Variants in LHPP observed in about 807,000 individuals in gnomAD.
LHPP encodes the protein phospholysine phosphohistidine inorganic pyrophosphate phosphatase.
A neutral mutation model predicts 30.3 loss-of-function variants in LHPP; 24 were observed. The ratio of observed to expected loss-of-function variants is 0.79; its 90% CI spans 0.57 to 1.11. The LOEUF (loss-of-function observed/expected upper bound fraction) is 1.11, where lower values mean the gene tolerates loss of function less well. LHPP is among the 50% of genes most tolerant of loss of function. The pLI is 0.00. For missense variants in LHPP, 356 were observed against 367.2 expected (o/e 0.97, Z 0.25); for synonymous variants, 150 against 157.1 (o/e 0.95, Z 0.34).
At chr10:124,603,209 TGGGA>T (rs1949048745) in intron 6 of LHPP, among the ~76,000 whole-genome samples, 1 of 152,138 alleles carries the variant, frequency 6.6e-6, no homozygotes, top group Non-Finnish European at 1.5e-5. Flanking sequence ...TCACCCCACG[TGGGA>T]GGAAGGCGGG....
intron 6 of LHPP, among the ~76,000 whole-genome samples, chr10:124,533,736 A>G (rs114502469): frequency 1.0e-3 from 155 of 152,330 alleles, no homozygotes; most frequent in African/African-American, 3.6e-3. Context: ...CTTTGCAGGC[A>G]CTTGCCGTGT....
intron 6 of LHPP, among the ~76,000 whole-genome samples, chr10:124,520,278 C>T (rs1954577883): frequency 6.6e-6 from 1 of 151,530 alleles, no homozygotes; most frequent in Non-Finnish European, 1.5e-5. Flanking sequence ...TTTCCTGATC[C>T]TCTCCCTCCT....
chr10:124,490,368 G>A, intron 3 of LHPP: 1 of 314,420 alleles, frequency 3.2e-6, no homozygotes, highest in Non-Finnish European at 6.7e-6. Context: ...CCCCATGTGG[G>A]TGAGGTACCA....
At chr10:124,491,241 A>T (rs1340347445) in intron 3 of LHPP, among the ~76,000 whole-genome samples, 1 of 152,220 alleles carries the variant, frequency 6.6e-6, no homozygotes, top group Non-Finnish European at 1.5e-5. Context: ...GCATCTCATG[A>T]AGTGTGGGAA....
intron 6 of LHPP, among the ~76,000 whole-genome samples, chr10:124,522,936 C>T (rs543537753): frequency 6.6e-6 from 1 of 152,198 alleles, no homozygotes; most frequent in Non-Finnish European, 1.5e-5. Context: ...CAGACCCTTC[C>T]TGCCTCTTAT....
At chr10:124,462,563 C>G (rs1290028224) in intron 1 of LHPP, among the ~76,000 whole-genome samples, 5 of 152,216 alleles carry the variant, frequency 3.3e-5, no homozygotes, top group African/African-American at 1.2e-4. Flanking sequence ...CCACTGTACT[C>G]TAGCCTGGAC....
At chr10:124,512,608 C>T (rs1954330940) in intron 5 of LHPP, among the ~76,000 whole-genome samples, 1 of 133,866 alleles carries the variant, frequency 7.5e-6, no homozygotes, top group Non-Finnish European at 1.6e-5. Flanking sequence ...CAGAGCGGGA[C>T]TCCGTCTCAA....
At chr10:124,467,604 A>G (rs1389608124) in intron 1 of LHPP, among the ~76,000 whole-genome samples, 1 of 143,122 alleles carries the variant, frequency 7.0e-6, no homozygotes, top group Admixed American at 7.1e-5. Flanking sequence ...TGCAGCCTTG[A>G]CCTCCTCCTA....
intron 5 of LHPP, among the ~76,000 whole-genome samples, chr10:124,513,250 G>A (rs868661854): frequency 2.0e-5 from 3 of 151,466 alleles, no homozygotes; most frequent in African/African-American, 4.9e-5. Flanking sequence ...TAATAGAGAC[G>A]GGTTTCACCA....
At chr10:124,544,208 C>T (rs912862683) in intron 6 of LHPP, among the ~76,000 whole-genome samples, 18 of 144,588 alleles carry the variant, frequency 1.2e-4, no homozygotes, top group South Asian at 2.3e-4. Flanking sequence ...CATCACCCAC[C>T]GGGGAGGCCT....
At chr10:124,498,524 C>CTATTTTGGGA in intron 5 of LHPP, 1 of 1,426,300 alleles carries the variant, frequency 7.0e-7, no homozygotes, top group South Asian at 1.5e-5. Flanking sequence ...TATATTTTGA[C>CTATTTTGGGA]TATTTTGGGA....
intron 6 of LHPP, among the ~76,000 whole-genome samples, chr10:124,594,065 G>A (rs1273170672): frequency 6.6e-6 from 1 of 152,118 alleles, no homozygotes; most frequent in Non-Finnish European, 1.5e-5. Context: ...GCCGGACGTG[G>A]GGGGCTCCCA....
chr10:124,603,019 T>C (rs966568021), intron 6 of LHPP, among the ~76,000 whole-genome samples: 1 of 151,588 alleles, frequency 6.6e-6, no homozygotes, highest in African/African-American at 2.4e-5. Flanking sequence ...CAGGGTGGGG[T>C]GTGGCCAGCT....
chr10:124,570,669 T>C (rs949654658), intron 6 of LHPP, among the ~76,000 whole-genome samples: 4 of 152,220 alleles, frequency 2.6e-5, no homozygotes, highest in African/African-American at 9.6e-5. Flanking sequence ...CCTCTTTCAA[T>C]CTCTGTGGAT....
chr10:124,578,674 A>G (rs534412175), intron 6 of LHPP, among the ~76,000 whole-genome samples: 5 of 152,258 alleles, frequency 3.3e-5, no homozygotes, highest in Admixed American at 6.5e-5. Context: ...AGCTGAGGGG[A>G]CATAGGCACA....
Position 124,461,954 on chromosome 10 carries a change from C to T in LHPP, c.92C>T (p.Thr31Met). 1 of 1,228,192 alleles carries T rather than the reference C, an allele frequency of 8.1e-7. No individual in the cohort carries two copies. The highest frequency in any genetic ancestry group is 1.0e-6 in the Non-Finnish European group (1 of 981,496). The allele number at this position is 1,228,192 out of a possible 1,614,324, so 76.1% of individuals were successfully genotyped here. The change falls in exon 1 of 7, where the codon ACG (threonine) becomes ATG (methionine). Residue 31 changes from threonine to methionine, a missense_variant. Coordinates refer to ENST00000368842, the MANE Select transcript of LHPP (RefSeq NM_022126.4). The stretch of plus-strand genomic sequence containing the variant: ...TACGACAGCGGCGCGGGCGGCGGCA[C>T]GGCCATCGCCGGCTCGGTGGAGGCG... ...VLYDSGAGGG[T>M]AIAGSVEAVA...
In LHPP at chr10:124,510,143, G is replaced by A. The variant is rs569049000; in HGVS notation, c.625-7037G>A. 1.4e-4 allele frequency among the ~76,000 whole-genome samples: 22 copies of A among 152,268 alleles called. No homozygotes were observed. The highest frequency in any genetic ancestry group is 5.3e-4 in the African/African-American group (22 of 41,556). ...ACACCCCACCATGTCGTGTCTGAAA[G>A]GAAGCGAAGCCCAGCCCTGGCAGGT... On this transcript the variant is annotated intron_variant, in intron 5 of 6. Coordinates refer to ENST00000368842, the MANE Select transcript of LHPP (RefSeq NM_022126.4). This position sits in a 1 kb window ranked among gnomAD's most constrained non-coding sequence, Gnocchi z 4.0.
At chr10:124,607,851 C>A (rs977892737) in intron 6 of LHPP, among the ~76,000 whole-genome samples, 2 of 152,208 alleles carry the variant, frequency 1.3e-5, no homozygotes, top group Non-Finnish European at 2.9e-5. Context: ...ACCCGGGCCG[C>A]GGCCTCAGCC....
intron 5 of LHPP, among the ~76,000 whole-genome samples, chr10:124,509,376 C>T (rs768204783): frequency 6.6e-6 from 1 of 152,164 alleles, no homozygotes; most frequent in Non-Finnish European, 1.5e-5. Context: ...CCCTGATGAA[C>T]ACATCTTGTA....
Sources: gnomAD v4.1 joint callset for allele counts (sites outside exome capture counted in the v4.1 genomes callset) on GRCh38, gnomAD v4.1.1 for gene constraint, Gnocchi (gnomAD v3.1) non-coding constraint, MANE v1.5 for transcripts, NCBI Gene and HGNC (gene_info 2026-07-23, HGNC 2026-07-21) for gene names.